The following ATXN8OS variants were observed in gnomAD, a reference collection of about 807,000 sequenced individuals.
The protein encoded by ATXN8OS is ATXN8 opposite strand (non-protein coding).
chr13:70,154,646 G>A lies in ATXN8OS; in HGVS notation n.573+7218G>A, dbSNP rs537325940. ...TAGGCACAGCCCAGACCCAGGAAAT[G>A]TCTTGATAATATCATCTAATGTGCT... On this transcript the variant is annotated intron_variant and non_coding_transcript_variant, in intron 4 of 4. Transcript: ENST00000678624. Among the ~76,000 whole-genome samples the A allele has an allele frequency of 3.9e-5, 6 of 152,278 alleles. No individual in the cohort carries two copies. The East Asian group carries it at 9.7e-4, about 25-fold the overall frequency.
At chr13:70,109,202 G>A (rs1315029517) in intron 1 of ATXN8OS, among the ~76,000 whole-genome samples, 1 of 152,200 alleles carries the variant, frequency 6.6e-6, no homozygotes, top group African/African-American at 2.4e-5. Context: ...GAGAAGATGT[G>A]TTTTCCCCTT....
chr13:70,169,300 T>TG (rs1350511823), intron 4 of ATXN8OS, among the ~76,000 whole-genome samples: 1 of 152,082 alleles, frequency 6.6e-6, no homozygotes, highest in Non-Finnish European at 1.5e-5. Flanking sequence ...CGTTTAATCT[T>TG]TTTGTTTGTT....
intron 4 of ATXN8OS, among the ~76,000 whole-genome samples, chr13:70,155,214 C>T (rs1371766308): frequency 1.3e-5 from 2 of 152,152 alleles, no homozygotes; most frequent in Admixed American, 6.5e-5. Flanking sequence ...ATATCTGATC[C>T]AATCATAGTT....
chr13:70,148,993 G>T lies in ATXN8OS; in HGVS notation n.573+1565G>T, dbSNP rs555395172. Among the ~76,000 whole-genome samples, 194 of 152,100 alleles carry T rather than the reference G, an allele frequency of 1.3e-3. 1 individual carries two copies. The highest frequency in any genetic ancestry group is 4.5e-3 in the African/African-American group (188 of 41,534). ...TAAATATGAATCTCAACTAATAAAA[G>T]AATGAAAAGAACATATTTTTCTTAG... is the stretch of plus-strand genomic sequence containing the variant. On this transcript the variant is annotated intron_variant and non_coding_transcript_variant, in intron 4 of 4. Transcript: ENST00000678624.
chr13:70,161,100 A>C (rs1889003644), intron 4 of ATXN8OS, among the ~76,000 whole-genome samples: 1 of 151,764 alleles, frequency 6.6e-6, no homozygotes, highest in African/African-American at 2.4e-5. Flanking sequence ...GATTCTTCTA[A>C]AGTAAGCCAG....
intron 3 of ATXN8OS, among the ~76,000 whole-genome samples, chr13:70,142,603 G>A (rs892912697): frequency 6.6e-6 from 1 of 152,176 alleles, no homozygotes; most frequent in African/African-American, 2.4e-5. Flanking sequence ...CATGGAAATA[G>A]TAATTACTTG....
chr13:70,132,701 C>A (rs1888551326), intron 3 of ATXN8OS, among the ~76,000 whole-genome samples: 1 of 152,086 alleles, frequency 6.6e-6, no homozygotes, highest in South Asian at 2.1e-4. Context: ...AACATGAACC[C>A]TAAATTGTGT....
At chr13:70,151,317 C>G (rs745543221) in intron 4 of ATXN8OS, among the ~76,000 whole-genome samples, 4 of 152,044 alleles carry the variant, frequency 2.6e-5, no homozygotes, top group Admixed American at 1.3e-4. Flanking sequence ...ACCCTTCCCC[C>G]GGCAACTGAC....
chr13:70,156,524 G>A (rs1458864507), intron 4 of ATXN8OS, among the ~76,000 whole-genome samples: 1 of 151,964 alleles, frequency 6.6e-6, no homozygotes, highest in Admixed American at 6.6e-5. Flanking sequence ...AGCTCCTAAT[G>A]TATTTATATA....
At chr13:70,139,419 G>C in intron 3 of ATXN8OS, 1 of 770,730 alleles carries the variant, frequency 1.3e-6, no homozygotes, top group South Asian at 1.7e-5. Context: ...TGCTGCTGCT[G>C]CTGCTGCTGC....
rs752810956 is a variant in ATXN8OS at position 70,139,380 on chromosome 13, A to ACTGCTGCTGCTGCTGCTGCTG, written n.500-7973_500-7972insGCTGCTGCTGCTGCTGCTGCT. 1,541 of 576,478 alleles carry ACTGCTGCTGCTGCTGCTGCTG rather than the reference A, an allele frequency of 2.7e-3. 6 individuals are homozygous for ACTGCTGCTGCTGCTGCTGCTG. Among genetic ancestry groups the ACTGCTGCTGCTGCTGCTGCTG allele is most frequent in the East Asian group, 3.2e-3 (104 of 32,190 alleles). 35.7% of individuals were successfully genotyped at this position (576,478 alleles called of 1,614,324 possible). A position where few individuals can be genotyped will look rare whatever the true frequency, so the allele number is the denominator to read the frequency against. ...TACTACTACTACTACTACTACTACT[A>ACTGCTGCTGCTGCTGCTGCTG]CTACTGCTGCTGCTGCTGCTGCTGC... is the stretch of plus-strand genomic sequence containing the variant. On this transcript the variant is annotated intron_variant and non_coding_transcript_variant, in intron 3 of 4. Transcript: ENST00000678624.
chr13:70,123,638 T>G (rs1036546685), intron 2 of ATXN8OS, among the ~76,000 whole-genome samples: 17 of 152,202 alleles, frequency 1.1e-4, no homozygotes, highest in African/African-American at 4.1e-4. Flanking sequence ...GAGAACTATT[T>G]GGGTAAGGGA....
intron 3 of ATXN8OS, among the ~76,000 whole-genome samples, chr13:70,132,735 A>G (rs1212026543): frequency 1.3e-5 from 2 of 152,218 alleles, no homozygotes; most frequent in Non-Finnish European, 2.9e-5. Context: ...CTACACATTT[A>G]TTGGCCTTCA....
Position 70,147,713 on chromosome 13 carries a change from T to C in ATXN8OS, n.573+285T>C, listed in dbSNP as rs138679708. Among the ~76,000 whole-genome samples, 677 of 152,264 alleles carry C rather than the reference T, an allele frequency of 4.4e-3. 2 individuals carry two copies. The highest frequency in any genetic ancestry group is 6.8e-3 in the Middle Eastern group (2 of 292). Reference sequence around the variant, plus strand: ...CCAACAAATATCTGAGACAGGTCTCTACCAAGTTAGAGGTTTATTTTGCCA... The same window carrying C: ...CCAACAAATATCTGAGACAGGTCTCCACCAAGTTAGAGGTTTATTTTGCCA... On this transcript the variant is annotated intron_variant and non_coding_transcript_variant, in intron 4 of 4. Transcript: ENST00000678624.
chr13:70,144,105 C>A (rs1888750550), intron 3 of ATXN8OS, among the ~76,000 whole-genome samples: 1 of 152,002 alleles, frequency 6.6e-6, no homozygotes, highest in South Asian at 2.1e-4. Flanking sequence ...GACACAAAAT[C>A]TTGATAAATA....
At chr13:70,166,026 A>T (rs1252501554) in intron 4 of ATXN8OS, among the ~76,000 whole-genome samples, 2 of 152,058 alleles carry the variant, frequency 1.3e-5, no homozygotes, top group African/African-American at 4.8e-5. Flanking sequence ...TTTCAACTTT[A>T]TGTCTTTGCA....
At chr13:70,134,207 G>A (rs923651570) in intron 3 of ATXN8OS, among the ~76,000 whole-genome samples, 1 of 152,160 alleles carries the variant, frequency 6.6e-6, no homozygotes, top group African/African-American at 2.4e-5. Context: ...CAAACTAAGT[G>A]TAAATTACAA....
At position 70,169,720 on chromosome 13, in the gene ATXN8OS, G is replaced by A. The variant is rs184024241; in HGVS notation, n.574-33G>A. Among the ~76,000 whole-genome samples the A allele has an allele frequency of 5.3e-5, 8 of 152,214 alleles. No homozygotes were observed. In the East Asian group the frequency reaches 9.7e-4, roughly 18 times the overall value. The stretch of plus-strand genomic sequence containing the variant: ...TATCATCTGTTGAATGCATACTCCT[G>A]TGGCTCTCACTAAAACTTTCCTTCT... On this transcript the variant is annotated intron_variant and non_coding_transcript_variant, in intron 4 of 4. Transcript: ENST00000678624.
chr13:70,152,421 A>G (rs939109862), intron 4 of ATXN8OS, among the ~76,000 whole-genome samples: 1 of 151,992 alleles, frequency 6.6e-6, no homozygotes, highest in Non-Finnish European at 1.5e-5. Flanking sequence ...ATACATATAT[A>G]CACATATGTA....
Sources: gnomAD v4.1 joint callset for allele counts (sites outside exome capture counted in the v4.1 genomes callset) on GRCh38, gnomAD v4.1.1 for gene constraint, MANE v1.5 for transcripts, NCBI Gene and HGNC (gene_info 2026-07-23, HGNC 2026-07-21) for gene names.